Variants in TMEM229B observed in about 807,000 individuals in gnomAD.
TMEM229B encodes the protein transmembrane protein 229B, also known as chromosome 14 open reading frame 83.
Under a neutral mutation model 13.7 loss-of-function variants are expected in TMEM229B, and 6 were observed. The ratio of observed to expected loss-of-function variants is 0.44; its 90% confidence interval spans 0.24 to 0.86. The LOEUF (loss-of-function observed/expected upper bound fraction) is 0.86. Among genes scored for constraint, TMEM229B ranks in the 40% least tolerant of loss-of-function variants. TMEM229B has a pLI of 0.23. For synonymous variants in TMEM229B, 107 were observed against 102.1 expected, an observed-to-expected ratio of 1.05 and a Z score of -0.29; for missense variants, 170 against 236.0, an observed-to-expected ratio of 0.72 and a Z score of 1.83.
At chr14:67,531,730 A>G (rs1011892620) in intron 1 of TMEM229B, among the ~76,000 whole-genome samples, 4 of 143,268 alleles carry the variant, frequency 2.8e-5, no homozygotes, top group Non-Finnish European at 4.6e-5. Flanking sequence ...CACCTCTACT[A>G]AAAAAAAAAA....
At chr14:67,495,779 C>T (rs1201559114) in intron 1 of TMEM229B, among the ~76,000 whole-genome samples, 1 of 151,998 alleles carries the variant, frequency 6.6e-6, no homozygotes, top group Non-Finnish European at 1.5e-5. Flanking sequence ...CCACCATGCC[C>T]AGCCAGCCTT....
chr14:67,499,901 C>A (rs2032536065), intron 1 of TMEM229B, among the ~76,000 whole-genome samples: 1 of 152,114 alleles, frequency 6.6e-6, no homozygotes, highest in African/African-American at 2.4e-5. Context: ...CCTCCACCAT[C>A]TGAAGACACC....
At chr14:67,493,816 A>G (rs1469680742) in intron 1 of TMEM229B, among the ~76,000 whole-genome samples, 1 of 152,190 alleles carries the variant, frequency 6.6e-6, no homozygotes, top group Admixed American at 6.5e-5. Context: ...ACTTGGAGCT[A>G]TAAGGATGTC....
upstream of TMEM229B, among the ~76,000 whole-genome samples, chr14:67,491,551 A>T (rs1042614220): frequency 2.0e-5 from 3 of 152,192 alleles, no homozygotes; most frequent in Non-Finnish European, 4.4e-5. Context: ...AGGAAATTTC[A>T]AGGGTTTTAG....
chr14:67,521,279 C>G (rs2033287420), intron 1 of TMEM229B, among the ~76,000 whole-genome samples: 1 of 152,172 alleles, frequency 6.6e-6, no homozygotes, highest in African/African-American at 2.4e-5. Flanking sequence ...GTGAGCTATG[C>G]TCAGGAATGA....
At chr14:67,485,654 C>CA (rs978563295) in intron 2 of TMEM229B, among the ~76,000 whole-genome samples, 4 of 152,218 alleles carry the variant, frequency 2.6e-5, no homozygotes, top group Non-Finnish European at 2.9e-5. Context: ...CCTGCACAGA[C>CA]ATAACAGCCT....
chr14:67,480,143 T>A (rs1199917823), intron 2 of TMEM229B, among the ~76,000 whole-genome samples: 1 of 152,174 alleles, frequency 6.6e-6, no homozygotes, highest in Admixed American at 6.5e-5. Context: ...AGGGCAGCTG[T>A]CATTTCTGGC....
intron 1 of TMEM229B, among the ~76,000 whole-genome samples, chr14:67,522,641 A>G (rs935074946): frequency 1.3e-5 from 2 of 152,234 alleles, no homozygotes; most frequent in African/African-American, 4.8e-5. Context: ...GTATCACAGC[A>G]TTCTCATCCA....
At chr14:67,502,386 C>T (rs2032644616) in intron 1 of TMEM229B, among the ~76,000 whole-genome samples, 1 of 148,962 alleles carries the variant, frequency 6.7e-6, no homozygotes, top group Non-Finnish European at 1.5e-5. Context: ...AGGACCCAAA[C>T]TTTTGTTATA....
chr14:67,479,684 C>T (rs2031465397), intron 2 of TMEM229B, among the ~76,000 whole-genome samples: 1 of 152,136 alleles, frequency 6.6e-6, no homozygotes, highest in Admixed American at 6.5e-5. Context: ...CGCCACTGCA[C>T]TCTAGCCTAG....
chr14:67,529,200 G>T (rs1433574881), intron 1 of TMEM229B, among the ~76,000 whole-genome samples: 1 of 151,994 alleles, frequency 6.6e-6, no homozygotes, highest in Non-Finnish European at 1.5e-5. Context: ...TACAAACGAG[G>T]AACACCTTCC....
Position 67,499,110 on chromosome 14 carries a change from T to C in TMEM229B, c.-191-11938A>G, listed in dbSNP as rs529942013. Among the ~76,000 whole-genome samples, 75 of 152,234 alleles carry C rather than the reference T, an allele frequency of 4.9e-4. 1 individual carries two copies. The Middle Eastern group carries it at 0.02, about 41-fold the overall frequency. ...CTCAAACTCCTGGGTTCAAGCAATC[T>C]TCCTGCCTTAGCCTCCTAAGTAGCT... On this transcript the variant is annotated intron_variant, in intron 1 of 2. Transcript: ENST00000357461.
At chr14:67,483,579 C>A (rs1193793064) in intron 2 of TMEM229B, among the ~76,000 whole-genome samples, 1 of 151,880 alleles carries the variant, frequency 6.6e-6, no homozygotes, top group Admixed American at 6.6e-5. Context: ...CTAAAGGCTC[C>A]CAGCCTGTTC....
chr14:67,514,073 G>A (rs1158999685), intron 1 of TMEM229B, among the ~76,000 whole-genome samples: 1 of 152,182 alleles, frequency 6.6e-6, no homozygotes, highest in Non-Finnish European at 1.5e-5. Flanking sequence ...TATTACTAGG[G>A]TGCTGAGAAC....
intron 1 of TMEM229B, among the ~76,000 whole-genome samples, chr14:67,496,447 A>G (rs1025789994): frequency 3.5e-5 from 4 of 113,008 alleles, no homozygotes; most frequent in African/African-American, 1.4e-4. Flanking sequence ...TCTGTCACCC[A>G]GGCTGGAGTG....
chr14:67,520,931 A>C (rs2033282453), intron 1 of TMEM229B, among the ~76,000 whole-genome samples: 1 of 152,258 alleles, frequency 6.6e-6, no homozygotes, highest in African/African-American at 2.4e-5. Context: ...GCATTCCCAC[A>C]AGCAATGAAT....
intron 1 of TMEM229B, among the ~76,000 whole-genome samples, chr14:67,495,842 T>C (rs1313315922): frequency 6.6e-6 from 1 of 152,246 alleles, no homozygotes; most frequent in Non-Finnish European, 1.5e-5. Context: ...CAAGTCACAC[T>C]GCCTGACTTA....
At chr14:67,513,529 C>T (rs1447054306) in intron 1 of TMEM229B, among the ~76,000 whole-genome samples, 2 of 152,226 alleles carry the variant, frequency 1.3e-5, no homozygotes, top group African/African-American at 4.8e-5. Context: ...CAACGCCTGC[C>T]ATGCTGTGTC....
intron 1 of TMEM229B, among the ~76,000 whole-genome samples, chr14:67,522,220 C>T (rs984985543): frequency 6.6e-6 from 1 of 152,078 alleles, no homozygotes; most frequent in Non-Finnish European, 1.5e-5. Context: ...GGGGATTGTG[C>T]GGGAGAGCCC....
Sources: allele counts gnomAD v4.1 joint callset (sites outside exome capture counted in the v4.1 genomes callset), GRCh38; gene constraint gnomAD v4.1.1; transcripts MANE v1.5; gene names NCBI Gene and HGNC (gene_info 2026-07-23, HGNC 2026-07-21).